HERC4: variants seen among roughly 807,000 people sequenced by gnomAD.
HERC4 encodes probable E3 ubiquitin-protein ligase HERC4.
Under a neutral mutation model 124.3 loss-of-function variants are expected in HERC4, and 28 were observed. The ratio of observed to expected loss-of-function variants is 0.23; its 90% confidence interval spans 0.17 to 0.31. The LOEUF (loss-of-function observed/expected upper bound fraction) is 0.31, where lower values mean the gene tolerates loss of function less well. Ranked by LOEUF, HERC4 falls within the 10% of genes least tolerant of loss-of-function variation. The probability of loss-of-function intolerance (pLI) is 1.00; values close to 1 mark genes in which losing one functional copy is unlikely to be tolerated. For missense variants in HERC4, 713 were observed against 1,229.3 expected, an observed-to-expected ratio of 0.58 and a Z score of 6.28; for synonymous variants, 407 against 421.5, an observed-to-expected ratio of 0.97 and a Z score of 0.42.
rs1043445633 is a variant in HERC4, at chr10:68,045,747, T to C, written c.227-1184A>G. Among the ~76,000 whole-genome samples, 11 of 152,328 alleles carry C rather than the reference T, an allele frequency of 7.2e-5. No individual in the cohort carries two copies. The South Asian group carries it at 2.1e-3, about 29-fold the overall frequency. ...TAATAAGAAAGCTATAATCATTGTC[T>C]TCAACAAACTAAAAGTCTTATGTTG... On this transcript the variant is annotated intron_variant, in intron 3 of 24. Coordinates refer to ENST00000373700, the MANE Select transcript of HERC4 (RefSeq NM_015601.4).
At chr10:67,992,118 A>C (rs905686172) in intron 11 of HERC4, 81 bp downstream of exon 11, 1 of 1,386,370 alleles carries the variant, frequency 7.2e-7, no homozygotes, top group African/African-American at 1.4e-5. Context: ...GCTGGTCTCC[A>C]ATTCCTGGGC....
At chr10:68,047,187 T>C (rs1027983599) in intron 3 of HERC4, among the ~76,000 whole-genome samples, 8 of 130,908 alleles carry the variant, frequency 6.1e-5, no homozygotes, top group Non-Finnish European at 1.1e-4. Flanking sequence ...CCAGTTTTTA[T>C]TGACTTCTTA....
chr10:68,051,136 AC>A (rs2040278868), intron 3 of HERC4, among the ~76,000 whole-genome samples: 1 of 151,534 alleles, frequency 6.6e-6, no homozygotes, highest in South Asian at 2.1e-4. Flanking sequence ...AACTTGCCAC[AC>A]AAGTCCATTA....
At chr10:68,060,178 T>C (rs2040930333) in intron 3 of HERC4, among the ~76,000 whole-genome samples, 1 of 151,594 alleles carries the variant, frequency 6.6e-6, no homozygotes, top group Non-Finnish European at 1.5e-5. Flanking sequence ...AGGTTTACTG[T>C]TATTATTTTT....
intron 8 of HERC4, among the ~76,000 whole-genome samples, chr10:68,021,850 GA>G (rs149202490): frequency 3.4e-5 from 5 of 148,326 alleles, no homozygotes; most frequent in Admixed American, 1.3e-4. Context: ...AAATTGGAAA[GA>G]AAAAAAAAAT....
intron 16 of HERC4, 61 bp from the exon 17 acceptor site, chr10:67,957,037 C>T (rs2034186553): frequency 2.2e-6 from 2 of 902,710 alleles, no homozygotes; most frequent in Non-Finnish European, 3.3e-6. Flanking sequence ...ACTGTGGATG[C>T]TGACATTTCT....
intron 3 of HERC4, among the ~76,000 whole-genome samples, chr10:68,063,603 C>A (rs1174874595): frequency 6.6e-6 from 1 of 152,184 alleles, no homozygotes; most frequent in African/African-American, 2.4e-5. Flanking sequence ...AAATTCAGTT[C>A]TCACTCCTTA....
chr10:68,003,328 A>ATTTTTTT (rs34287961), intron 9 of HERC4, among the ~76,000 whole-genome samples: 3 of 130,840 alleles, frequency 2.3e-5, no homozygotes, highest in Admixed American at 7.7e-5. Context: ...TGCCTGACTA[A>ATTTTTTT]TTTTTTTTTT....
intron 15 of HERC4, among the ~76,000 whole-genome samples, chr10:67,969,420 C>G (rs1319648602): frequency 6.6e-6 from 1 of 152,118 alleles, no homozygotes; most frequent in Non-Finnish European, 1.5e-5. Context: ...AGCCTCTTGT[C>G]CATAGATGCC....
rs2030313232 is a variant in HERC4, at chr10:67,922,430, A to AT, written c.*500dup. 6.6e-6 allele frequency: 1 copy of AT among 152,156 alleles called. No individual in the cohort carries two copies. The highest frequency in any genetic ancestry group is 2.4e-5 in the African/African-American group (1 of 41,448). 9.4% of individuals were successfully genotyped at this position (152,156 alleles called of 1,614,324 possible). A position where few individuals can be genotyped will look rare whatever the true frequency, so the allele number is the denominator to read the frequency against. On this transcript the variant is annotated 3_prime_UTR_variant, in exon 25 of 25. Coordinates refer to ENST00000373700, the MANE Select transcript of HERC4 (RefSeq NM_015601.4). ...GTCTCAGAGTAAGATTTAAATCATA[A>AT]TTTTTAACCTTTAAAAGTCTGTTCA...
chr10:67,985,430 G>A (rs975332386), intron 15 of HERC4, among the ~76,000 whole-genome samples: 12 of 152,196 alleles, frequency 7.9e-5, no homozygotes, highest in Admixed American at 2.0e-4. Context: ...ACCTATATAA[G>A]TTTGATTATA....
At position 67,966,878 on chromosome 10, in the gene HERC4, G is replaced by A. The variant is rs568476215; in HGVS notation, c.1807-76C>T. On this transcript the variant is annotated intron_variant, in intron 15 of 24. Transcript: ENST00000373700. ...ACAAATTTTTTTTATTTTTTGAGACGGAGTCTCACTCTGTCAACCAGGCTG... is the reference window on the plus strand; with the variant it reads ...ACAAATTTTTTTTATTTTTTGAGACAGAGTCTCACTCTGTCAACCAGGCTG... The A allele has an allele frequency of 4.3e-4, 482 of 1,116,218 alleles. 1 individual carries two copies. The East Asian group carries it at 5.7e-3, about 13-fold the overall frequency. 69.1% of individuals were successfully genotyped at this position (1,116,218 alleles called of 1,614,324 possible). A position where few individuals can be genotyped will look rare whatever the true frequency, so the allele number is the denominator to read the frequency against.
chr10:67,925,806 C>T (rs1039333284), intron 23 of HERC4, among the ~76,000 whole-genome samples: 1 of 152,134 alleles, frequency 6.6e-6, no homozygotes, highest in Non-Finnish European at 1.5e-5. Context: ...TCAAACATCC[C>T]TATATGGAGA....
intron 4 of HERC4, chr10:68,039,732 G>A: frequency 7.7e-7 from 1 of 1,296,344 alleles, no homozygotes; most frequent in Non-Finnish European, 9.8e-7. Context: ...AACAGAGTAA[G>A]GAATAAAAAA....
chr10:68,056,128 G>A (rs1175125895), intron 3 of HERC4, among the ~76,000 whole-genome samples: 5 of 152,112 alleles, frequency 3.3e-5, no homozygotes, highest in Admixed American at 2.0e-4. Flanking sequence ...AGGGGTAAAG[G>A]TGAAATATAA....
intron 15 of HERC4, among the ~76,000 whole-genome samples, chr10:67,972,457 G>A (rs1381586935): frequency 6.8e-6 from 1 of 147,976 alleles, no homozygotes; most frequent in Non-Finnish European, 1.5e-5. Context: ...GGAGGCGGAG[G>A]TTGCGGTGAG....
At position 68,070,478 on chromosome 10, in the gene HERC4, C is replaced by T. The variant is rs192858056; in HGVS notation, c.226+2405G>A. On this transcript the variant is annotated intron_variant, in intron 3 of 24. Coordinates refer to ENST00000373700, the MANE Select transcript of HERC4 (RefSeq NM_015601.4). ...AAAAGTAGCCAGGCATTGTGGTGGGCGCCTGTAATCCCAGCTATTCGGGAG... is the reference window on the plus strand; with the variant it reads ...AAAAGTAGCCAGGCATTGTGGTGGGTGCCTGTAATCCCAGCTATTCGGGAG... The T allele has an allele frequency of 2.7e-3, 455 of 170,114 alleles. 6 individuals are homozygous for T. Among genetic ancestry groups the T allele is most frequent in the African/African-American group, 0.01 (437 of 41,670 alleles). 10.5% of individuals were successfully genotyped at this position (170,114 alleles called of 1,614,324 possible).
intron 15 of HERC4, among the ~76,000 whole-genome samples, chr10:67,970,672 A>G (rs2035181068): frequency 6.6e-6 from 1 of 152,074 alleles, no homozygotes; most frequent in Non-Finnish European, 1.5e-5. Context: ...AGATTCAGAG[A>G]AGACCCAAAT....
intron 15 of HERC4, among the ~76,000 whole-genome samples, chr10:67,973,725 A>C (rs929160346): frequency 9.2e-5 from 14 of 152,176 alleles, no homozygotes; most frequent in Non-Finnish European, 1.6e-4. Flanking sequence ...AGACAACTTC[A>C]ATATTTCAAC....
Sources: allele counts gnomAD v4.1 joint callset (sites outside exome capture counted in the v4.1 genomes callset), GRCh38; gene constraint gnomAD v4.1.1; transcripts MANE v1.5; gene names NCBI Gene and HGNC (gene_info 2026-07-23, HGNC 2026-07-21).